Variants in KIAA1549L observed in about 807,000 individuals in gnomAD.
KIAA1549L encodes the protein KIAA1549 like, also known as UPF0606 protein KIAA1549L.
A neutral mutation model predicts 160.7 loss-of-function variants in KIAA1549L; 88 were observed. The observed-to-expected ratio is 0.55, with a 90% CI of 0.46 to 0.65. The LOEUF (loss-of-function observed/expected upper bound fraction) is 0.65. Ranked by LOEUF, KIAA1549L falls within the 30% of genes least tolerant of loss-of-function variation. KIAA1549L has a pLI of 0.00. For synonymous variants in KIAA1549L, 950 were observed against 976.7 expected (o/e 0.97, Z 0.51); for missense variants, 2,258 against 2,437.5 (o/e 0.93, Z 1.55).
intron 1 of KIAA1549L, among the ~76,000 whole-genome samples, chr11:33,384,537 C>T (rs1334733933): frequency 1.3e-5 from 2 of 152,094 alleles, no homozygotes; most frequent in Non-Finnish European, 2.9e-5. Flanking sequence ...AGTAGCTGTA[C>T]AGTTTTGCAT....
intron 16 of KIAA1549L, among the ~76,000 whole-genome samples, chr11:33,632,358 G>A (rs1851319591): frequency 6.6e-6 from 1 of 152,186 alleles, no homozygotes; most frequent in African/African-American, 2.4e-5. Context: ...TACTCTGACT[G>A]AGCCATCATA....
At chr11:33,445,248 T>A (rs901568277) in intron 1 of KIAA1549L, among the ~76,000 whole-genome samples, 1 of 152,126 alleles carries the variant, frequency 6.6e-6, no homozygotes, top group Admixed American at 6.5e-5. Flanking sequence ...GGGTGGCTGC[T>A]GGGAGAGGAG....
At chr11:33,433,971 G>A (rs575223799) in intron 1 of KIAA1549L, among the ~76,000 whole-genome samples, 2 of 152,130 alleles carry the variant, frequency 1.3e-5, no homozygotes, top group East Asian at 3.9e-4. Flanking sequence ...GAACTTAGAG[G>A]ATGGGTCAAT....
intron 17 of KIAA1549L, among the ~76,000 whole-genome samples, chr11:33,649,722 G>A (rs1461435206): frequency 6.6e-6 from 1 of 151,698 alleles, no homozygotes; most frequent in Admixed American, 6.6e-5. Flanking sequence ...CTATGACTTC[G>A]ATTCTGCCGC....
At position 33,661,027 on chromosome 11, in the gene KIAA1549L, C is replaced by G; in HGVS notation, c.6159+13C>G. 1 of 1,597,718 alleles carries G rather than the reference C, an allele frequency of 6.3e-7. No individual in the cohort carries two copies. ...GTGGGCAGATTCGGTGAGACCCTTG[C>G]TCTTCACCTCATAAAACTTTACCTG... On this transcript the variant is annotated intron_variant, in intron 20 of 20. Coordinates refer to ENST00000658780, the MANE Select transcript of KIAA1549L (RefSeq NM_012194.3).
At position 33,431,463 on chromosome 11, in the gene KIAA1549L, CG is replaced by C. The variant is rs1436580148; in HGVS notation, c.238+54575del. 1.3e-5 allele frequency among the ~76,000 whole-genome samples: 2 copies of C among 152,118 alleles called. 1 individual carries two copies. Among genetic ancestry groups the C allele is most frequent in the Non-Finnish European group, 2.9e-5 (2 of 68,020 alleles). On this transcript the variant is annotated intron_variant, in intron 1 of 20. Transcript: ENST00000658780. ...TCCCCATCAGATTAGTTAGATACAG[CG>C]TATCGACACAAAGGTTCTCCAAGGC...
rs1851663740 is a variant in KIAA1549L at position 33,644,420 on chromosome 11, T to G, written c.5410-1266T>G. Reference sequence around the variant, plus strand: ...CCCATTTTGGGTGAATTCCCTCATTTACTTGCTGTGCTTATTTTATATATC... The same window carrying G: ...CCCATTTTGGGTGAATTCCCTCATTGACTTGCTGTGCTTATTTTATATATC... On this transcript the variant is annotated intron_variant, in intron 16 of 20. Transcript: ENST00000658780. 2.6e-5 allele frequency among the ~76,000 whole-genome samples: 4 copies of G among 152,390 alleles called. No homozygotes were observed. In the South Asian group the frequency reaches 8.3e-4, roughly 32 times the overall value.
chr11:33,585,441 C>G (rs530832214), intron 11 of KIAA1549L, among the ~76,000 whole-genome samples: 4 of 152,108 alleles, frequency 2.6e-5, no homozygotes, highest in Non-Finnish European at 5.9e-5. Flanking sequence ...TTGCTTGAAC[C>G]TGGGAGGCAG....
intron 16 of KIAA1549L, among the ~76,000 whole-genome samples, chr11:33,631,281 T>C (rs557963075): frequency 8.3e-4 from 122 of 146,864 alleles, no homozygotes; most frequent in Non-Finnish European, 1.6e-3. Context: ...AGCTGACGCG[T>C]GTTACTCCTT....
intron 15 of KIAA1549L, among the ~76,000 whole-genome samples, chr11:33,611,239 C>T (rs1303135218): frequency 6.6e-6 from 1 of 152,224 alleles, no homozygotes; most frequent in African/African-American, 2.4e-5. Context: ...TGACTTCCCT[C>T]TGGCCTTGAG....
chr11:33,423,756 G>A (rs111741652), intron 1 of KIAA1549L, among the ~76,000 whole-genome samples: 143 of 152,300 alleles, frequency 9.4e-4, no homozygotes, highest in African/African-American at 3.3e-3. Context: ...GGCTGAGTGC[G>A]GTGGCTCATG....
At chr11:33,428,306 T>G (rs1301722023) in intron 1 of KIAA1549L, among the ~76,000 whole-genome samples, 1 of 152,240 alleles carries the variant, frequency 6.6e-6, no homozygotes, top group East Asian at 1.9e-4. Flanking sequence ...TAATTTCCTG[T>G]TTTTTTAAAA....
intron 16 of KIAA1549L, among the ~76,000 whole-genome samples, chr11:33,622,908 A>G (rs1463989981): frequency 6.6e-6 from 1 of 152,192 alleles, no homozygotes; most frequent in East Asian, 1.9e-4. Context: ...TGTCAAGCCT[A>G]TAGGCTGACA....
chr11:33,613,709 A>G (rs558777264), intron 15 of KIAA1549L, among the ~76,000 whole-genome samples: 1 of 152,318 alleles, frequency 6.6e-6, no homozygotes, highest in East Asian at 1.9e-4. Context: ...AACATGAGAT[A>G]TGGGTGGAGA....
chr11:33,484,907 C>T (rs1465166944), intron 1 of KIAA1549L, among the ~76,000 whole-genome samples: 1 of 152,212 alleles, frequency 6.6e-6, no homozygotes, highest in Non-Finnish European at 1.5e-5. Context: ...TTAAAAGGCA[C>T]CATGCTGGTA....
intron 1 of KIAA1549L, among the ~76,000 whole-genome samples, chr11:33,538,620 G>A (rs1332163523): frequency 6.6e-6 from 1 of 152,042 alleles, no homozygotes; most frequent in African/African-American, 2.4e-5. Flanking sequence ...TTATCTCTGG[G>A]GAGAAGAAAG....
At position 33,405,510 on chromosome 11, in the gene KIAA1549L, C is replaced by CTTTT. The variant is rs60127936; in HGVS notation, c.238+28635_238+28638dup. On this transcript the variant is annotated intron_variant, in intron 1 of 20. Transcript: ENST00000658780. Reference sequence around the variant, plus strand: ...ATGTCTTTTATGTTATTTCCCTACACTTTTTTTTTTTTTTTTTAACATAAT... The same window carrying CTTTT: ...ATGTCTTTTATGTTATTTCCCTACACTTTTTTTTTTTTTTTTTTTTTAACATAAT... Among the ~76,000 whole-genome samples, 688 of 138,642 alleles carry CTTTT rather than the reference C, an allele frequency of 5.0e-3. 13 individuals are homozygous for CTTTT. Among genetic ancestry groups the CTTTT allele is most frequent in the African/African-American group, 0.017 (638 of 37,714 alleles). 91.0% of individuals were successfully genotyped at this position (138,642 alleles called of 152,430 possible).
intron 1 of KIAA1549L, among the ~76,000 whole-genome samples, chr11:33,400,038 G>C (rs902417488): frequency 2.0e-5 from 3 of 152,180 alleles, no homozygotes; most frequent in Non-Finnish European, 4.4e-5. Context: ...ATCTTTAAGA[G>C]AGATGTTTAA....
chr11:33,441,467 C>T (rs1281738972), intron 1 of KIAA1549L, among the ~76,000 whole-genome samples: 2 of 138,952 alleles, frequency 1.4e-5, no homozygotes, highest in Non-Finnish European at 1.6e-5. Context: ...AATGGTATTT[C>T]TAGTTCTAGA....
Sources: allele counts gnomAD v4.1 joint callset (sites outside exome capture counted in the v4.1 genomes callset), GRCh38; gene constraint gnomAD v4.1.1; transcripts MANE v1.5; gene names NCBI Gene and HGNC (gene_info 2026-07-23, HGNC 2026-07-21).